Variants in OSBPL10 observed in about 807,000 individuals in gnomAD.
OSBPL10 encodes the protein oxysterol binding protein like 10.
In OSBPL10, 49 loss-of-function variants were observed where a neutral mutation model predicts 81.7. The observed-to-expected ratio is 0.60, with a 90% CI of 0.48 to 0.76. OSBPL10 has a LOEUF of 0.76. Among genes scored for constraint, OSBPL10 ranks in the 30% least tolerant of loss-of-function variants. The pLI, the probability that OSBPL10 is intolerant of heterozygous loss-of-function variation, is 0.00. For missense variants in OSBPL10, 923 were observed against 987.8 expected (o/e 0.93, Z 0.88); for synonymous variants, 419 against 383.6 (o/e 1.09, Z -1.08).
chr3:32,015,569 G>C (rs2125542116), intron 2 of OSBPL10, among the ~76,000 whole-genome samples: 1 of 152,274 alleles, frequency 6.6e-6, no homozygotes, highest in South Asian at 2.1e-4. Flanking sequence ...AACACCAAAA[G>C]CAATGGCAAC....
At chr3:31,672,586 A>G (rs953680406) in intron 8 of OSBPL10, among the ~76,000 whole-genome samples, 1 of 152,224 alleles carries the variant, frequency 6.6e-6, no homozygotes, top group Non-Finnish European at 1.5e-5. Flanking sequence ...GTGTTCAACT[A>G]TAGTTCAATT....
intron 4 of OSBPL10, among the ~76,000 whole-genome samples, chr3:31,826,413 G>C (rs950053540): frequency 6.6e-6 from 1 of 152,174 alleles, no homozygotes; most frequent in Non-Finnish European, 1.5e-5. Flanking sequence ...CTGAGAGGAT[G>C]CTGGGTTCCG....
chr3:31,762,630 A>ATTCTTTTTTTTTTTTTTTTTTT (rs1698080328), intron 4 of OSBPL10, among the ~76,000 whole-genome samples: 1 of 61,514 alleles, frequency 1.6e-5, no homozygotes, highest in Non-Finnish European at 2.7e-5. Flanking sequence ...CATGCCCAGC[A>ATTCTTTTTTTTTTTTTTTTTTT]TTTTTTTTTT....
intron 4 of OSBPL10, chr3:31,796,094 C>A: frequency 5.8e-6 from 1 of 172,268 alleles, no homozygotes. Context: ...TCCTGGAGAT[C>A]AGTGCAAGGA....
chr3:31,743,331 A>G (rs1453883191), intron 5 of OSBPL10, among the ~76,000 whole-genome samples: 2 of 152,056 alleles, frequency 1.3e-5, no homozygotes, highest in Non-Finnish European at 2.9e-5. Flanking sequence ...GAGCCACCAT[A>G]CCCGGCCAAA....
intron 1 of OSBPL10, among the ~76,000 whole-genome samples, chr3:31,975,259 A>G (rs1698663371): frequency 6.6e-6 from 1 of 152,200 alleles, no homozygotes; most frequent in African/African-American, 2.4e-5. Context: ...ACACGGCCTC[A>G]AAACACTCTG....
chr3:31,858,022 G>T lies in OSBPL10; in HGVS notation c.537+18411C>A, dbSNP rs1377236836. 2.0e-5 allele frequency among the ~76,000 whole-genome samples: 3 copies of T among 148,590 alleles called. No homozygotes were observed. In the East Asian group the frequency reaches 5.9e-4, roughly 29 times the overall value. The stretch of plus-strand genomic sequence containing the variant: ...GTGTTTTTTTTTTTTTTGAGACAAG[G>T]TCTCGTTCTATTGCCCAGACTGGAG... On this transcript the variant is annotated intron_variant, in intron 3 of 11. Coordinates refer to ENST00000396556, the MANE Select transcript of OSBPL10 (RefSeq NM_017784.5).
chr3:31,828,328 A>AT (rs1388695722), intron 4 of OSBPL10, among the ~76,000 whole-genome samples: 2 of 152,242 alleles, frequency 1.3e-5, no homozygotes, highest in African/African-American at 4.8e-5. Flanking sequence ...ATAAAAACAG[A>AT]TAAAACAAGA....
chr3:31,912,382 G>A (rs1462590394), intron 1 of OSBPL10, among the ~76,000 whole-genome samples: 1 of 136,874 alleles, frequency 7.3e-6, no homozygotes, highest in African/African-American at 2.7e-5. Context: ...GCGACAGGGC[G>A]AGACTCTGTC....
intron 1 of OSBPL10, among the ~76,000 whole-genome samples, chr3:31,900,526 T>A (rs1226894051): frequency 2.0e-5 from 3 of 152,194 alleles, no homozygotes; most frequent in Non-Finnish European, 4.4e-5. Flanking sequence ...CTCTTCACAT[T>A]TCTCCCCTTC....
chr3:32,030,787 A>T (rs897609462), intron 2 of OSBPL10: 1 of 587,358 alleles, frequency 1.7e-6, no homozygotes, highest in South Asian at 2.1e-5. Context: ...GTTTGGAAAC[A>T]CATTTTCTCC....
At chr3:32,003,168 T>C (rs898701212) in intron 2 of OSBPL10, among the ~76,000 whole-genome samples, 2 of 152,188 alleles carry the variant, frequency 1.3e-5, no homozygotes, top group African/African-American at 4.8e-5. Flanking sequence ...CAACGGAATG[T>C]CTAGAATGCT....
intron 4 of OSBPL10, among the ~76,000 whole-genome samples, chr3:31,827,693 T>G (rs1448555598): frequency 6.6e-6 from 1 of 152,030 alleles, no homozygotes; most frequent in African/African-American, 2.4e-5. Flanking sequence ...TATCTACATC[T>G]GTAATACACA....
Position 31,720,050 on chromosome 3 carries a change from ATATATATTATATATATTT to A in OSBPL10, c.1095+13189_1095+13206del, listed in dbSNP as rs1325448298. ...GTATAAAAAAAGTTAAAGAACATAT[ATATATATTATATATATTT>A]TATATATTATATGTATATGTTTGCT... is the stretch of plus-strand genomic sequence containing the variant. On this transcript the variant is annotated intron_variant, in intron 6 of 11. Coordinates refer to ENST00000396556, the MANE Select transcript of OSBPL10 (RefSeq NM_017784.5). Among the ~76,000 whole-genome samples the A allele has an allele frequency of 9.4e-5, 14 of 148,390 alleles. No individual in the cohort carries two copies. In the South Asian group the frequency reaches 1.3e-3, roughly 13 times the overall value.
intron 1 of OSBPL10, among the ~76,000 whole-genome samples, chr3:31,957,028 A>G (rs1443416142): frequency 2.6e-5 from 4 of 152,100 alleles, no homozygotes; most frequent in Non-Finnish European, 5.9e-5. Flanking sequence ...CCAGCTATTC[A>G]GGAAACTGAA....
At position 31,926,289 on chromosome 3, in the gene OSBPL10, G is replaced by GCACCCC. The variant is rs1553641093; in HGVS notation, c.282-46460_282-46459insGGGGTG. 1.5e-4 allele frequency among the ~76,000 whole-genome samples: 19 copies of GCACCCC among 130,112 alleles called. 2 individuals are homozygous for GCACCCC. The highest frequency in any genetic ancestry group is 4.0e-4 in the Admixed American group (5 of 12,640). 85.4% of individuals were successfully genotyped at this position (130,112 alleles called of 152,430 possible). A position where few individuals can be genotyped will look rare whatever the true frequency, so the allele number is the denominator to read the frequency against. On this transcript the variant is annotated intron_variant, in intron 1 of 11. Coordinates refer to ENST00000396556, the MANE Select transcript of OSBPL10 (RefSeq NM_017784.5). ...GTGGTTCTCAACCATGGGTGATTTTGCCCCCCCAGAGGATAGCTGCAATGT... is the reference window on the plus strand; with the variant it reads ...GTGGTTCTCAACCATGGGTGATTTTGCACCCCCCCCCCCAGAGGATAGCTGCAATGT...
intron 8 of OSBPL10, among the ~76,000 whole-genome samples, chr3:31,681,182 T>G (rs535624034): frequency 5.9e-4 from 90 of 152,280 alleles, no homozygotes; most frequent in African/African-American, 2.0e-3. Context: ...TGATCCTGAT[T>G]GATCCTTGAG....
At chr3:31,793,139 G>A (rs1371029980) in intron 4 of OSBPL10, among the ~76,000 whole-genome samples, 2 of 152,080 alleles carry the variant, frequency 1.3e-5, no homozygotes, top group Non-Finnish European at 2.9e-5. Context: ...CAACCAAAGA[G>A]GGCAGAAATA....
At chr3:31,765,606 C>T (rs937395595) in intron 4 of OSBPL10, among the ~76,000 whole-genome samples, 2 of 152,134 alleles carry the variant, frequency 1.3e-5, no homozygotes, top group African/African-American at 4.8e-5. Context: ...AGATTGGTCT[C>T]AATGCCACTA....
Sources: allele counts gnomAD v4.1 joint callset (sites outside exome capture counted in the v4.1 genomes callset), GRCh38; gene constraint gnomAD v4.1.1; transcripts MANE v1.5; gene names NCBI Gene and HGNC (gene_info 2026-07-23, HGNC 2026-07-21).